The following HNRNPR variants were observed in gnomAD, a reference collection of about 807,000 sequenced individuals.
HNRNPR encodes the protein heterogeneous nuclear ribonucleoprotein R.
Under a neutral mutation model 70.3 loss-of-function variants are expected in HNRNPR, and 4 were observed. The observed-to-expected ratio is 0.06, with a 90% CI of 0.03 to 0.13. HNRNPR has a LOEUF of 0.13. Among genes scored for constraint, HNRNPR ranks in the 10% least tolerant of loss-of-function variants. The probability of loss-of-function intolerance (pLI) is 1.00; values close to 1 mark genes in which losing one functional copy is unlikely to be tolerated. For synonymous variants in HNRNPR, 241 were observed against 267.6 expected, an observed-to-expected ratio of 0.90 and a Z score of 0.97; for missense variants, 423 against 788.5, an observed-to-expected ratio of 0.54 and a Z score of 5.55.
intron 5 of HNRNPR, among the ~76,000 whole-genome samples, chr1:23,331,953 G>GC (rs771584859): frequency 6.8e-6 from 1 of 147,010 alleles, no homozygotes; most frequent in Non-Finnish European, 1.5e-5. Context: ...CCAACTTGGC[G>GC]CAACCCCGTC....
intron 6 of HNRNPR, 119 bp from the exon 7 acceptor site, chr1:23,321,782 T>G: frequency 2.3e-6 from 2 of 870,550 alleles, no homozygotes; most frequent in Non-Finnish European, 3.5e-6. Flanking sequence ...ACTCACCAAG[T>G]TCCCTCATGC....
intron 5 of HNRNPR, among the ~76,000 whole-genome samples, chr1:23,324,451 C>T (rs2148394794): frequency 6.6e-6 from 1 of 152,218 alleles, no homozygotes; most frequent in East Asian, 1.9e-4. Flanking sequence ...GCCTGTACTC[C>T]CAGCTACTTG....
chr1:23,342,637 A>G (rs1336810404), intron 1 of HNRNPR, among the ~76,000 whole-genome samples: 1 of 152,206 alleles, frequency 6.6e-6, no homozygotes, highest in Non-Finnish European at 1.5e-5. Flanking sequence ...CTCCTTGCGA[A>G]CATAAGGTTC....
chr1:23,320,422 T>C (rs1006521099), intron 7 of HNRNPR, among the ~76,000 whole-genome samples: 7 of 152,126 alleles, frequency 4.6e-5, no homozygotes, highest in African/African-American at 1.7e-4. Flanking sequence ...AAAGATGAGG[T>C]AGACATAGAA....
chr1:23,319,208 C>T (rs1269899705), intron 7 of HNRNPR, among the ~76,000 whole-genome samples: 1 of 152,202 alleles, frequency 6.6e-6, no homozygotes, highest in East Asian at 1.9e-4. Context: ...GCTAGCCCTA[C>T]TTTTAAATGT....
chr1:23,323,877 C>A, intron 5 of HNRNPR, 145 bp from the exon 6 acceptor site: 1 of 668,442 alleles, frequency 1.5e-6, no homozygotes, highest in East Asian at 2.7e-5. Flanking sequence ...AGTTGACTTG[C>A]AGAGCTAATC....
chr1:23,313,426 G>C (rs1055217540), intron 9 of HNRNPR, 127 bp downstream of exon 9: 1 of 663,050 alleles, frequency 1.5e-6, no homozygotes, highest in Non-Finnish European at 2.6e-6. Flanking sequence ...ACTTTACAGA[G>C]ATTAAATAGA....
chr1:23,327,320 G>A (rs1439358605), intron 5 of HNRNPR, among the ~76,000 whole-genome samples: 2 of 152,124 alleles, frequency 1.3e-5, no homozygotes, highest in African/African-American at 4.8e-5. Context: ...CTAGATTCTA[G>A]AAATATAGTG....
Position 23,309,112 on chromosome 1 carries a change from C to A in HNRNPR, c.*1342G>T, listed in dbSNP as rs1645249958. On this transcript the variant is annotated 3_prime_UTR_variant, in exon 11 of 11. Transcript: ENST00000302271. ...GAAATAGATGTTATGTCTTGGCCAA[C>A]AAAAAATTTGGGCATCAGGGATAGC... is the stretch of plus-strand genomic sequence containing the variant. 1 of 151,852 alleles carries A rather than the reference C, an allele frequency of 6.6e-6. No individual in the cohort carries two copies. The highest frequency in any genetic ancestry group is 2.1e-4 in the South Asian group (1 of 4,808). The allele number at this position is 151,852 out of a possible 1,614,324, so 9.4% of individuals were successfully genotyped here. A position where few individuals can be genotyped will look rare whatever the true frequency, so the allele number is the denominator to read the frequency against.
At chr1:23,336,290 G>A (rs1052971173) in intron 4 of HNRNPR, among the ~76,000 whole-genome samples, 5 of 150,784 alleles carry the variant, frequency 3.3e-5, no homozygotes, top group Non-Finnish European at 7.4e-5. Context: ...TAGCAGCCAG[G>A]CACGGTGGCT....
rs1212767082 is a variant in HNRNPR, at chr1:23,315,301, AAAAAC to A, written c.1018-1604_1018-1600del. ...TCTCAAAAAAAAAAAAAAAAAAAAAAAAAACAAAAACCCAAAAAATGAAGAGGAGC... is the reference window on the plus strand; with the variant it reads ...TCTCAAAAAAAAAAAAAAAAAAAAAAAAAAACCCAAAAAATGAAGAGGAGC... On this transcript the variant is annotated intron_variant, in intron 8 of 10. Transcript: ENST00000302271. Among the ~76,000 whole-genome samples, 294 of 136,490 alleles carry A rather than the reference AAAAAC, an allele frequency of 2.2e-3. 7 individuals are homozygous for A. Among genetic ancestry groups the A allele is most frequent in the African/African-American group, 9.7e-3 (266 of 27,442 alleles). The allele number at this position is 136,490 out of a possible 152,430, so 89.5% of individuals were successfully genotyped here. A position where few individuals can be genotyped will look rare whatever the true frequency, so the allele number is the denominator to read the frequency against.
chr1:23,330,565 T>C (rs182730846), intron 5 of HNRNPR, among the ~76,000 whole-genome samples: 6 of 152,048 alleles, frequency 3.9e-5, no homozygotes, highest in Admixed American at 2.6e-4. Context: ...AGAACTTGCT[T>C]CCCAAAGCAG....
chr1:23,333,255 T>C (rs1427477377), intron 5 of HNRNPR, among the ~76,000 whole-genome samples: 1 of 152,172 alleles, frequency 6.6e-6, no homozygotes, highest in Non-Finnish European at 1.5e-5. Flanking sequence ...GTATCTAAAA[T>C]GGTGTGCTGC....
intron 8 of HNRNPR, among the ~76,000 whole-genome samples, chr1:23,314,657 A>G (rs1645462004): frequency 6.6e-6 from 1 of 152,230 alleles, no homozygotes; most frequent in South Asian, 2.1e-4. Context: ...GACATTTGTT[A>G]TCAGGCTGGC....
chr1:23,336,116 C>CAAAAAAAAAAAA (rs71020498), intron 4 of HNRNPR, among the ~76,000 whole-genome samples: 825 of 49,114 alleles, frequency 0.017, 74 homozygotes, highest in Middle Eastern at 0.031. Context: ...GACTCCGTCT[C>CAAAAAAAAAAAA]AAAAAAAAAA....
At chr1:23,337,556 C>G (rs1000076889) in intron 4 of HNRNPR, among the ~76,000 whole-genome samples, 198 bp downstream of exon 4, 2 of 151,484 alleles carry the variant, frequency 1.3e-5, no homozygotes, top group Non-Finnish European at 2.9e-5. Context: ...ACTTGGGAGG[C>G]TGAGGCAGGA....
At chr1:23,321,494 G>A (rs746692388) in intron 7 of HNRNPR, 34 bp downstream of exon 7, 19 of 1,589,640 alleles carry the variant, frequency 1.2e-5, no homozygotes, top group Admixed American at 3.4e-5. Context: ...AACATATTTC[G>A]CAAAAGTAAT....
intron 8 of HNRNPR, among the ~76,000 whole-genome samples, chr1:23,315,783 A>G (rs1415580473): frequency 2.0e-5 from 3 of 152,202 alleles, no homozygotes; most frequent in Non-Finnish European, 4.4e-5. Context: ...TAATAAGAAG[A>G]TACTAATTTA....
At chr1:23,320,779 G>T (rs1384656422) in intron 7 of HNRNPR, among the ~76,000 whole-genome samples, 1 of 152,146 alleles carries the variant, frequency 6.6e-6, no homozygotes, top group Non-Finnish European at 1.5e-5. Context: ...GTACAGTTTT[G>T]TTAAATTGTT....
Sources: gnomAD v4.1 joint callset for allele counts (sites outside exome capture counted in the v4.1 genomes callset) on GRCh38, gnomAD v4.1.1 for gene constraint, MANE v1.5 for transcripts, NCBI Gene and HGNC (gene_info 2026-07-23, HGNC 2026-07-21) for gene names.